The following USP13 variants were observed in gnomAD, a reference collection of about 807,000 sequenced individuals.
USP13 encodes the protein ubiquitin specific peptidase 13.
USP13 carries 68 observed loss-of-function variants against 107.8 expected under a neutral mutation model. That is an observed-to-expected ratio of 0.63 (90% CI 0.52 to 0.77). USP13 has a LOEUF of 0.77. USP13 is among the 30% of genes least tolerant of loss of function. The probability of loss-of-function intolerance (pLI) is 0.00; values close to 1 mark genes in which losing one functional copy is unlikely to be tolerated. For missense variants in USP13, 945 were observed against 1,093.3 expected (o/e 0.86, Z 1.91); for synonymous variants, 377 against 389.5 (o/e 0.97, Z 0.38).
Position 179,708,863 on chromosome 3 carries a change from C to T in USP13, c.711C>T (p.Asp237=), listed in dbSNP as rs916950302. The change falls in exon 6 of 21, where the codon GAC becomes GAT. Residue 237 remains aspartate, a synonymous_variant. Transcript: ENST00000263966. ...GSVLCGKWFF[D]SSGGNGHALE... ...TCCTGTGTGGAAAGTGGTTCTTTGACAGCTCTGGGGGCAACGGGCATGCGC... is the reference window on the plus strand; with the variant it reads ...TCCTGTGTGGAAAGTGGTTCTTTGATAGCTCTGGGGGCAACGGGCATGCGC... 1 of 1,614,036 alleles carries T rather than the reference C, an allele frequency of 6.2e-7. No homozygotes were observed. The highest frequency in any genetic ancestry group is 1.3e-5 in the African/African-American group (1 of 74,910).
At chr3:179,750,686 C>T (rs1042080467) in intron 13 of USP13, among the ~76,000 whole-genome samples, 7 of 152,134 alleles carry the variant, frequency 4.6e-5, no homozygotes, top group Admixed American at 1.3e-4. Context: ...TCTTTCATGA[C>T]AAAATAATCA....
At chr3:179,687,029 G>C (rs1156358421) in intron 2 of USP13, among the ~76,000 whole-genome samples, 1 of 152,008 alleles carries the variant, frequency 6.6e-6, no homozygotes. Context: ...TCTTCATCAG[G>C]GTTATCCATA....
chr3:179,653,176 C>T lies in USP13; in HGVS notation c.-50C>T. 4 of 1,168,110 alleles carry T rather than the reference C, an allele frequency of 3.4e-6. No individual in the cohort carries two copies. Among genetic ancestry groups the T allele is most frequent in the Non-Finnish European group, 4.2e-6 (4 of 944,544 alleles). 72.4% of individuals were successfully genotyped at this position (1,168,110 alleles called of 1,614,324 possible). A position where few individuals can be genotyped will look rare whatever the true frequency, so the allele number is the denominator to read the frequency against. On this transcript the variant is annotated 5_prime_UTR_variant, in exon 1 of 21. Coordinates refer to ENST00000263966, the MANE Select transcript of USP13 (RefSeq NM_003940.3). The surrounding 1 kb of genome is among the most constrained non-coding windows in gnomAD (Gnocchi z 4.0). ...TGGCGCCGCCGCCGCCGGCAGACCC[C>T]GCGCTCCGGCTCCGGCTCGGCTCGC...
chr3:179,777,592 A>G (rs113327566), intron 19 of USP13, among the ~76,000 whole-genome samples: 7,014 of 151,898 alleles, frequency 0.046, 528 homozygotes, highest in African/African-American at 0.16. Flanking sequence ...AGCTGCGACT[A>G]CAGGTGCACG....
At chr3:179,775,609 A>G (rs1427689561) in intron 19 of USP13, among the ~76,000 whole-genome samples, 1 of 152,194 alleles carries the variant, frequency 6.6e-6, no homozygotes, top group Admixed American at 6.5e-5. Context: ...GCAGGAGCCC[A>G]CCACGGTGGG....
rs554565153 is a variant in USP13 at position 179,724,144 on chromosome 3, G to A, written c.1088+2555G>A. On this transcript the variant is annotated intron_variant, in intron 8 of 20. Coordinates refer to ENST00000263966, the MANE Select transcript of USP13 (RefSeq NM_003940.3). ...CACCGTACTCAGGCTGGGCAACAGA[G>A]TGAGATCCTGTCTTTAAAAAAATAA... 5.9e-5 allele frequency among the ~76,000 whole-genome samples: 9 copies of A among 151,884 alleles called. No individual in the cohort carries two copies. In the South Asian group the frequency reaches 1.9e-3, roughly 32 times the overall value.
At chr3:179,708,978 T>C (rs1712827193) in intron 6 of USP13, 21 bp downstream of exon 6, 1 of 1,608,304 alleles carries the variant, frequency 6.2e-7, no homozygotes, top group African/African-American at 1.3e-5. Flanking sequence ...CTTTACCGAC[T>C]TTGGGAACAT....
chr3:179,686,216 C>T (rs1711868577), intron 2 of USP13, among the ~76,000 whole-genome samples: 1 of 152,152 alleles, frequency 6.6e-6, no homozygotes, highest in South Asian at 2.1e-4. Flanking sequence ...TCATCATACT[C>T]ATAAAATTAT....
intron 1 of USP13, among the ~76,000 whole-genome samples, chr3:179,670,621 A>T (rs754283506): frequency 5.3e-5 from 8 of 152,096 alleles, no homozygotes; most frequent in Non-Finnish European, 1.0e-4. Context: ...TCAGCTACAA[A>T]TCTCAAGATA....
chr3:179,653,214 C>A lies in USP13; in HGVS notation c.-12C>A, dbSNP rs776613751. 4.2e-5 allele frequency: 63 copies of A among 1,498,084 alleles called. No individual in the cohort carries two copies. The African/African-American group carries it at 8.5e-4, about 20-fold the overall frequency. 92.8% of individuals were successfully genotyped at this position (1,498,084 alleles called of 1,614,324 possible). ...CGGCTCGGCTCGCTCGGCTCCGGTGCGCGCCGAGGCCATGCAGCGCCGGGG... is the reference window on the plus strand; with the variant it reads ...CGGCTCGGCTCGCTCGGCTCCGGTGAGCGCCGAGGCCATGCAGCGCCGGGG... On this transcript the variant is annotated 5_prime_UTR_variant, in exon 1 of 21. Coordinates refer to ENST00000263966, the MANE Select transcript of USP13 (RefSeq NM_003940.3). This position sits in a 1 kb window ranked among gnomAD's most constrained non-coding sequence, Gnocchi z 4.0.
At chr3:179,732,856 A>G (rs1713855782) in intron 10 of USP13, among the ~76,000 whole-genome samples, 1 of 152,194 alleles carries the variant, frequency 6.6e-6, no homozygotes, top group South Asian at 2.1e-4. Flanking sequence ...GCTGTAGTGT[A>G]GTAGCTCCTT....
intron 13 of USP13, among the ~76,000 whole-genome samples, chr3:179,750,718 CA>C (rs1465944701): frequency 6.6e-6 from 1 of 152,208 alleles, no homozygotes; most frequent in Non-Finnish European, 1.5e-5. Context: ...TAGGTATATA[CA>C]ATACTTTCTA....
chr3:179,680,272 A>T (rs1042571935), intron 1 of USP13, among the ~76,000 whole-genome samples: 1 of 152,190 alleles, frequency 6.6e-6, no homozygotes, highest in African/African-American at 2.4e-5. Flanking sequence ...AACGTGCATT[A>T]TAAGATTTCA....
intron 1 of USP13, among the ~76,000 whole-genome samples, chr3:179,673,014 C>T (rs1346486450): frequency 6.6e-6 from 1 of 152,152 alleles, no homozygotes; most frequent in Non-Finnish European, 1.5e-5. Context: ...CCTGAAGAAC[C>T]ATGTGAGACT....
At chr3:179,759,823 G>A (rs1023947246) in intron 16 of USP13, among the ~76,000 whole-genome samples, 4 of 151,918 alleles carry the variant, frequency 2.6e-5, no homozygotes, top group Admixed American at 6.6e-5. Context: ...ACAGGTGCAC[G>A]CCACCACCCC....
chr3:179,750,302 G>GTATA lies in USP13; in HGVS notation c.1710-1982_1710-1981insATAT, dbSNP rs1456279754. ...AATAATAATAAATATATATATGTGT[G>GTATA]TGTATATATATATATATATGTGTGT... On this transcript the variant is annotated intron_variant, in intron 13 of 20. Coordinates refer to ENST00000263966, the MANE Select transcript of USP13 (RefSeq NM_003940.3). Among the ~76,000 whole-genome samples, 560 of 111,052 alleles carry GTATA rather than the reference G, an allele frequency of 5.0e-3. 7 individuals are homozygous for GTATA. The highest frequency in any genetic ancestry group is 0.017 in the African/African-American group (537 of 31,314). The allele number at this position is 111,052 out of a possible 152,430, so 72.9% of individuals were successfully genotyped here. A position where few individuals can be genotyped will look rare whatever the true frequency, so the allele number is the denominator to read the frequency against.
intron 10 of USP13, among the ~76,000 whole-genome samples, chr3:179,736,959 A>C (rs1489724538): frequency 6.6e-6 from 1 of 152,256 alleles, no homozygotes; most frequent in Admixed American, 6.5e-5. Flanking sequence ...CAGTGAATGC[A>C]TGCTGATGTG....
At chr3:179,739,411 T>C (rs568058914) in intron 10 of USP13, among the ~76,000 whole-genome samples, 11 of 152,344 alleles carry the variant, frequency 7.2e-5, no homozygotes, top group African/African-American at 2.4e-4. Flanking sequence ...CTCGTGAGCT[T>C]GAGCAGCTCT....
intron 10 of USP13, among the ~76,000 whole-genome samples, chr3:179,733,749 C>T (rs1279761162): frequency 6.6e-6 from 1 of 152,154 alleles, no homozygotes; most frequent in Non-Finnish European, 1.5e-5. Flanking sequence ...TACGGGGCCA[C>T]CACCACGCAT....
Sources: allele counts gnomAD v4.1 joint callset (sites outside exome capture counted in the v4.1 genomes callset), GRCh38; gene constraint gnomAD v4.1.1; non-coding constraint Gnocchi (gnomAD v3.1); transcripts MANE v1.5; gene names NCBI Gene and HGNC (gene_info 2026-07-23, HGNC 2026-07-21).